Variants in SLC39A11 observed in about 807,000 individuals in gnomAD.
SLC39A11 encodes the protein zinc transporter ZIP11.
In SLC39A11, 33 loss-of-function variants were observed where a neutral mutation model predicts 36.1. That is an observed-to-expected ratio of 0.91 (90% CI 0.69 to 1.22). The LOEUF is 1.22. SLC39A11 is among the 50% of genes most tolerant of loss of function. The probability of loss-of-function intolerance (pLI) is 0.00; values close to 1 mark genes in which losing one functional copy is unlikely to be tolerated. For missense variants in SLC39A11, 432 were observed against 430.3 expected (o/e 1.00, Z -0.03); for synonymous variants, 166 against 170.3 (o/e 0.97, Z 0.20).
chr17:72,756,802 C>T (rs1223575820), intron 6 of SLC39A11, among the ~76,000 whole-genome samples: 2 of 152,080 alleles, frequency 1.3e-5, no homozygotes, highest in East Asian at 3.8e-4. Flanking sequence ...GAGTATTTTA[C>T]CACAATTAAA....
chr17:73,059,735 G>T (rs903810650), intron 3 of SLC39A11, among the ~76,000 whole-genome samples: 1 of 151,304 alleles, frequency 6.6e-6, no homozygotes, highest in Admixed American at 6.6e-5. Flanking sequence ...GTTAAGTGAA[G>T]CTATGAGGTA....
At chr17:72,805,536 T>A (rs2077221982) in intron 6 of SLC39A11, among the ~76,000 whole-genome samples, 1 of 152,132 alleles carries the variant, frequency 6.6e-6, no homozygotes. Context: ...AGATTTATAC[T>A]CAGGAGTGCG....
chr17:72,950,885 A>G (rs1057499940), intron 4 of SLC39A11, among the ~76,000 whole-genome samples: 45 of 152,104 alleles, frequency 3.0e-4, no homozygotes, highest in Non-Finnish European at 5.0e-4. Context: ...TGGGGGGCTG[A>G]GCATGCTGCT....
At chr17:72,698,734 T>C (rs949632204) in intron 7 of SLC39A11, among the ~76,000 whole-genome samples, 7 of 152,178 alleles carry the variant, frequency 4.6e-5, no homozygotes, top group Non-Finnish European at 1.0e-4. Flanking sequence ...CCAGTGGAAC[T>C]GGCATTATCC....
intron 4 of SLC39A11, among the ~76,000 whole-genome samples, chr17:72,963,517 C>CA (rs151121782): frequency 0.087 from 13,197 of 152,100 alleles, 853 homozygotes; most frequent in African/African-American, 0.17. Context: ...CCACCTACCA[C>CA]CACATATCTG....
At position 72,870,984 on chromosome 17, in the gene SLC39A11, GGA is replaced by G. The variant is rs1303448507; in HGVS notation, c.431-21182_431-21181del. ...GTGATAGGAACAATAAAGGAATAAA[GGA>G]GAGTCTTTTGTTATTCATAACAAGC... On this transcript the variant is annotated intron_variant, in intron 5 of 9. Transcript: ENST00000255559. 2.6e-5 allele frequency among the ~76,000 whole-genome samples: 4 copies of G among 152,114 alleles called. No individual in the cohort carries two copies. The East Asian group carries it at 5.8e-4, about 22-fold the overall frequency.
intron 4 of SLC39A11, among the ~76,000 whole-genome samples, chr17:73,012,686 G>T (rs1345973334): frequency 3.3e-5 from 5 of 152,026 alleles, no homozygotes; most frequent in African/African-American, 1.2e-4. Flanking sequence ...TGCTGCCCTT[G>T]CCCCCTGTTC....
At chr17:72,754,045 T>TACACAC (rs1383818868) in intron 6 of SLC39A11, among the ~76,000 whole-genome samples, 468 of 53,004 alleles carry the variant, frequency 8.8e-3, no homozygotes, top group Non-Finnish European at 0.016. Context: ...TATATATATA[T>TACACAC]ACACATACAC....
chr17:72,915,328 C>T (rs2083270932), intron 5 of SLC39A11, among the ~76,000 whole-genome samples: 2 of 152,182 alleles, frequency 1.3e-5, no homozygotes, highest in South Asian at 4.1e-4. Context: ...TGTAGCCCAC[C>T]AGAATTGTTC....
intron 7 of SLC39A11, among the ~76,000 whole-genome samples, chr17:72,654,262 C>T (rs1379408264): frequency 5.9e-5 from 9 of 152,150 alleles, no homozygotes; most frequent in Admixed American, 1.3e-4. Flanking sequence ...GGTATAGGAT[C>T]GGAGTTAATG....
rs2074817722 is a variant in SLC39A11, at chr17:72,743,776, G to A, written c.602-7057C>T. Among the ~76,000 whole-genome samples the A allele has an allele frequency of 2.0e-5, 3 of 152,120 alleles. No individual in the cohort carries two copies. The South Asian group carries it at 6.2e-4, about 32-fold the overall frequency. On this transcript the variant is annotated intron_variant, in intron 6 of 9. Transcript: ENST00000255559. The stretch of plus-strand genomic sequence containing the variant: ...GGAAAAGGAAAGGAGGAAAAATGCT[G>A]ACTGATGCTCATGCCCCCAGTGTCC...
intron 6 of SLC39A11, among the ~76,000 whole-genome samples, chr17:72,817,696 A>G (rs181403380): frequency 6.6e-6 from 1 of 152,186 alleles, no homozygotes; most frequent in East Asian, 1.9e-4. Flanking sequence ...CTGTGTTAGC[A>G]TCTATTTCCC....
intron 7 of SLC39A11, among the ~76,000 whole-genome samples, chr17:72,670,158 TATACACACACACACACACAC>T (rs1414872784): frequency 0.028 from 3,557 of 126,356 alleles, 55 homozygotes; most frequent in Middle Eastern, 0.048. Context: ...ACACATTTTA[TATACACACACACACACACAC>T]ACACACACAC....
chr17:72,976,464 A>G (rs2087857350), intron 4 of SLC39A11, among the ~76,000 whole-genome samples: 1 of 152,196 alleles, frequency 6.6e-6, no homozygotes, highest in Non-Finnish European at 1.5e-5. Context: ...GATAACTGAA[A>G]TGTTAGAGAA....
intron 4 of SLC39A11, among the ~76,000 whole-genome samples, 177 bp from the exon 5 acceptor site, chr17:72,948,052 C>G (rs1388708294): frequency 6.6e-6 from 1 of 152,194 alleles, no homozygotes; most frequent in Non-Finnish European, 1.5e-5. Flanking sequence ...AGATGACAAA[C>G]TTTCCAGGTA....
At chr17:72,671,008 T>G (rs1419084204) in intron 7 of SLC39A11, among the ~76,000 whole-genome samples, 1 of 152,182 alleles carries the variant, frequency 6.6e-6, no homozygotes, top group Non-Finnish European at 1.5e-5. Context: ...TCACCTTGTT[T>G]GTCAGACCCA....
chr17:72,881,561 T>G (rs182242033), intron 5 of SLC39A11, among the ~76,000 whole-genome samples: 285 of 152,362 alleles, frequency 1.9e-3, no homozygotes, highest in African/African-American at 6.4e-3. Context: ...CAAAAGAGAA[T>G]ATGATATATG....
chr17:73,032,585 G>A (rs2058773344), intron 3 of SLC39A11, among the ~76,000 whole-genome samples: 1 of 152,142 alleles, frequency 6.6e-6, no homozygotes, highest in Non-Finnish European at 1.5e-5. Flanking sequence ...TGTAACACAG[G>A]TCTAATTATT....
chr17:72,743,302 C>T (rs1237220566), intron 6 of SLC39A11, among the ~76,000 whole-genome samples: 1 of 152,164 alleles, frequency 6.6e-6, no homozygotes, highest in Admixed American at 6.5e-5. Context: ...CAACATGGCC[C>T]CATGGGTAGT....
Sources: allele counts gnomAD v4.1 joint callset (sites outside exome capture counted in the v4.1 genomes callset), GRCh38; gene constraint gnomAD v4.1.1; transcripts MANE v1.5; gene names NCBI Gene and HGNC (gene_info 2026-07-23, HGNC 2026-07-21).